The following SLC39A11 variants were observed in gnomAD, a reference collection of about 807,000 sequenced individuals.
The protein encoded by SLC39A11 is solute carrier family 39 member 11.
In SLC39A11, 33 loss-of-function variants were observed where a neutral mutation model predicts 36.1. That is an observed-to-expected ratio of 0.91 (90% confidence interval 0.69 to 1.22). The LOEUF is 1.22. SLC39A11 is among the 50% of genes most tolerant of loss of function. The pLI is 0.00. For synonymous variants in SLC39A11, 166 were observed against 170.3 expected, an observed-to-expected ratio of 0.97 and a Z score of 0.20; for missense variants, 432 against 430.3, an observed-to-expected ratio of 1.00 and a Z score of -0.03.
chr17:73,005,099 C>T (rs530004678), intron 4 of SLC39A11, among the ~76,000 whole-genome samples: 5 of 152,298 alleles, frequency 3.3e-5, no homozygotes, highest in East Asian at 1.9e-4. Context: ...CAGGTTTAAG[C>T]GATTCTCCTT....
chr17:72,784,426 G>A (rs970088045), intron 6 of SLC39A11, among the ~76,000 whole-genome samples: 2 of 152,106 alleles, frequency 1.3e-5, no homozygotes, highest in African/African-American at 4.8e-5. Flanking sequence ...GAAGACAGGG[G>A]GTTTGACACC....
intron 3 of SLC39A11, among the ~76,000 whole-genome samples, chr17:73,061,668 G>A (rs142552385): frequency 6.6e-4 from 101 of 152,242 alleles, no homozygotes; most frequent in African/African-American, 2.3e-3. Context: ...CAACTACTTG[G>A]TCTTTTCTGA....
intron 3 of SLC39A11, among the ~76,000 whole-genome samples, chr17:73,052,318 A>G (rs924129203): frequency 1.3e-5 from 2 of 149,376 alleles, no homozygotes; most frequent in African/African-American, 4.9e-5. Context: ...GCTAGAGGGG[A>G]AAAAAAAAAC....
In SLC39A11 at chr17:73,088,746, A is replaced by T; in HGVS notation, c.19T>A (p.Ser7Thr). 3 of 1,608,394 alleles carry T rather than the reference A, an allele frequency of 1.9e-6. No individual in the cohort carries two copies. Among genetic ancestry groups the T allele is most frequent in the Non-Finnish European group, 2.5e-6 (3 of 1,177,424 alleles). The change falls in exon 2 of 10, where the codon TCT becomes ACT. Residue 7 changes from serine (S) to threonine (T), a missense_variant. Physicochemically the swap from Ser to Thr is moderately conservative, Grantham distance 58 (BLOSUM62 1). Coordinates refer to ENST00000255559, the MANE Select transcript of SLC39A11 (RefSeq NM_139177.4). MLQGHS[S>T]VFQALLGTFF... is the part of the protein sequence containing the mutation. ...GTCCCCAGCAAGGCCTGGAACACAG[A>T]GCTGTGGCCTTGGAGCATGCTGGAT...
intron 6 of SLC39A11, among the ~76,000 whole-genome samples, chr17:72,744,841 C>T (rs936224321): frequency 2.0e-5 from 3 of 152,088 alleles, no homozygotes; most frequent in Non-Finnish European, 4.4e-5. Flanking sequence ...TCAGCATACA[C>T]ATCTTTTCTT....
At chr17:72,816,816 AC>A (rs1485934008) in intron 6 of SLC39A11, among the ~76,000 whole-genome samples, 3 of 152,164 alleles carry the variant, frequency 2.0e-5, no homozygotes, top group Admixed American at 6.5e-5. Flanking sequence ...GATTTCATAC[AC>A]CATAGCCCAG....
At chr17:72,897,294 T>G (rs1406912987) in intron 5 of SLC39A11, among the ~76,000 whole-genome samples, 8 of 152,106 alleles carry the variant, frequency 5.3e-5, no homozygotes, top group African/African-American at 1.9e-4. Flanking sequence ...CTGTCTAATA[T>G]GAGAACCACA....
chr17:72,896,586 G>C (rs2082042312), intron 5 of SLC39A11, among the ~76,000 whole-genome samples: 1 of 152,028 alleles, frequency 6.6e-6, no homozygotes, highest in Non-Finnish European at 1.5e-5. Context: ...GACCAAGGCT[G>C]TTCTTCCTCA....
At chr17:72,745,528 C>G (rs2074896757) in intron 6 of SLC39A11, among the ~76,000 whole-genome samples, 1 of 152,186 alleles carries the variant, frequency 6.6e-6, no homozygotes, top group African/African-American at 2.4e-5. Flanking sequence ...GGTTTTCTCA[C>G]AGGGGATCCC....
chr17:72,794,052 GCAT>G (rs1378384805), intron 6 of SLC39A11, among the ~76,000 whole-genome samples: 1 of 152,180 alleles, frequency 6.6e-6, no homozygotes, highest in Non-Finnish European at 1.5e-5. Context: ...GCCATTGTTA[GCAT>G]CAGGCTCTGC....
intron 6 of SLC39A11, among the ~76,000 whole-genome samples, chr17:72,846,758 A>G (rs1310457390): frequency 6.6e-6 from 1 of 152,208 alleles, no homozygotes; most frequent in East Asian, 1.9e-4. Flanking sequence ...GCCGTAATAC[A>G]CCTCAGTGTA....
In SLC39A11 at chr17:72,778,886, T is replaced by C. The variant is rs574802254; in HGVS notation, c.602-42167A>G. Among the ~76,000 whole-genome samples the C allele has an allele frequency of 4.6e-5, 7 of 152,342 alleles. No homozygotes were observed. In the South Asian group the frequency reaches 1.5e-3, roughly 32 times the overall value. On this transcript the variant is annotated intron_variant, in intron 6 of 9. Transcript: ENST00000255559. ...GGCAGAGACTCAGAATAAACAGTAT[T>C]CTGGACTGTTAAGGAGTTCTTTTAT...
At chr17:72,907,282 G>A (rs2082704794) in intron 5 of SLC39A11, among the ~76,000 whole-genome samples, 1 of 152,258 alleles carries the variant, frequency 6.6e-6, no homozygotes, top group South Asian at 2.1e-4. Context: ...TTGAGCTCAG[G>A]AGTTCGAGAC....
chr17:72,838,162 A>C, intron 6 of SLC39A11: 1 of 401,434 alleles, frequency 2.5e-6, no homozygotes, highest in Non-Finnish European at 4.4e-6. Flanking sequence ...AAAGATAGTG[A>C]TGGTGGTTGC....
rs184840883 is a variant in SLC39A11, at chr17:72,673,769, A to C, written c.672-24501T>G. 1.6e-4 allele frequency among the ~76,000 whole-genome samples: 24 copies of C among 152,276 alleles called. 1 individual carries two copies. In the East Asian group the frequency reaches 4.6e-3, roughly 29 times the overall value. On this transcript the variant is annotated intron_variant, in intron 7 of 9. Transcript: ENST00000255559. ...CTGTAAGAAACAGTCGGAGTTATTCAAGAAGGGAAACTTGGCCGGGCACAG... is the reference window on the plus strand; with the variant it reads ...CTGTAAGAAACAGTCGGAGTTATTCCAGAAGGGAAACTTGGCCGGGCACAG...
At chr17:73,068,989 G>A (rs775868198) in intron 3 of SLC39A11, among the ~76,000 whole-genome samples, 1 of 152,064 alleles carries the variant, frequency 6.6e-6, no homozygotes, top group Non-Finnish European at 1.5e-5. Flanking sequence ...GGTTGATCAC[G>A]TACGGGCCTC....
intron 4 of SLC39A11, among the ~76,000 whole-genome samples, chr17:72,981,525 T>C (rs989652728): frequency 3.4e-5 from 5 of 148,990 alleles, no homozygotes; most frequent in African/African-American, 1.2e-4. Context: ...TATACCAAAA[T>C]AGATTATTTT....
intron 4 of SLC39A11, among the ~76,000 whole-genome samples, chr17:73,011,566 A>G (rs896979484): frequency 6.6e-6 from 1 of 152,182 alleles, no homozygotes; most frequent in African/African-American, 2.4e-5. Flanking sequence ...ATTCGTACAA[A>G]AAAAGTAGAA....
At chr17:73,041,909 C>T (rs2059124040) in intron 3 of SLC39A11, among the ~76,000 whole-genome samples, 2 of 152,156 alleles carry the variant, frequency 1.3e-5, no homozygotes, top group Admixed American at 1.3e-4. Context: ...GGCTCATAAT[C>T]CGATCTCTTT....
Sources: allele counts gnomAD v4.1 joint callset (sites outside exome capture counted in the v4.1 genomes callset), GRCh38; gene constraint gnomAD v4.1.1; transcripts MANE v1.5; gene names NCBI Gene and HGNC (gene_info 2026-07-23, HGNC 2026-07-21).